Variants in LPP observed in about 807,000 individuals in gnomAD.
LPP encodes the protein lipoma-preferred partner.
In LPP, 38 loss-of-function variants were observed where a neutral mutation model predicts 60.4. The ratio of observed to expected loss-of-function variants is 0.63; its 90% CI spans 0.49 to 0.83. The LOEUF is 0.83. Ranked by LOEUF, LPP falls within the 40% of genes least tolerant of loss-of-function variation. The probability of loss-of-function intolerance (pLI) is 0.00; values close to 1 mark genes in which losing one functional copy is unlikely to be tolerated. For synonymous variants in LPP, 328 were observed against 290.8 expected, an observed-to-expected ratio of 1.13 and a Z score of -1.30; for missense variants, 902 against 783.6, an observed-to-expected ratio of 1.15 and a Z score of -1.80.
At chr3:188,673,226 GT>G (rs886872852) in intron 7 of LPP, among the ~76,000 whole-genome samples, 101 of 151,872 alleles carry the variant, frequency 6.7e-4, no homozygotes, top group African/African-American at 2.4e-3. Flanking sequence ...GAGAAGTACC[GT>G]TTTTTTGTTT....
intron 9 of LPP, among the ~76,000 whole-genome samples, chr3:188,826,398 C>G (rs1391201218): frequency 1.3e-5 from 2 of 152,116 alleles, no homozygotes; most frequent in East Asian, 3.9e-4. Flanking sequence ...CTGGAAAGTT[C>G]TATTATTAGT....
At chr3:188,191,675 G>A (rs1392764736) in intron 1 of LPP, among the ~76,000 whole-genome samples, 2 of 152,232 alleles carry the variant, frequency 1.3e-5, no homozygotes, top group Admixed American at 1.3e-4. Flanking sequence ...CCAGGTGGTG[G>A]CTGAGGAGGG....
intron 7 of LPP, among the ~76,000 whole-genome samples, chr3:188,675,635 T>C (rs988322446): frequency 3.9e-5 from 6 of 152,352 alleles, no homozygotes; most frequent in African/African-American, 1.4e-4. Context: ...AGACAAGTCA[T>C]GTAACCGTTC....
At chr3:188,480,787 T>G (rs529573744) in intron 4 of LPP, among the ~76,000 whole-genome samples, 13 of 152,278 alleles carry the variant, frequency 8.5e-5, no homozygotes, top group African/African-American at 3.1e-4. Context: ...GGACAGGGCA[T>G]GCACTAATAT....
At chr3:188,829,383 G>A (rs112430872) in intron 9 of LPP, among the ~76,000 whole-genome samples, 40 of 152,192 alleles carry the variant, frequency 2.6e-4, no homozygotes, top group African/African-American at 9.4e-4. Context: ...CCATAGCCTC[G>A]TTCCACTTAC....
At chr3:188,864,757 G>T (rs9881635) in intron 9 of LPP, among the ~76,000 whole-genome samples, 2 of 152,068 alleles carry the variant, frequency 1.3e-5, no homozygotes, top group Admixed American at 6.5e-5. Flanking sequence ...ACCATAAAGG[G>T]GGGTTGGATA....
intron 9 of LPP, among the ~76,000 whole-genome samples, chr3:188,811,903 A>G (rs1019552846): frequency 6.6e-6 from 1 of 152,168 alleles, no homozygotes; most frequent in Non-Finnish European, 1.5e-5. Context: ...ATGTTTTGAT[A>G]TAGACATGCA....
At chr3:188,754,001 A>G (rs1729235141) in intron 8 of LPP, among the ~76,000 whole-genome samples, 1 of 152,346 alleles carries the variant, frequency 6.6e-6, no homozygotes, top group Non-Finnish European at 1.5e-5. Flanking sequence ...CAATAACCAT[A>G]GGAGATTGCA....
chr3:188,370,838 A>T lies in LPP; in HGVS notation c.-10+29119A>T, dbSNP rs114240197. 3.5e-3 allele frequency among the ~76,000 whole-genome samples: 538 copies of T among 152,092 alleles called. 9 individuals carry two copies. The highest frequency in any genetic ancestry group is 0.013 in the African/African-American group (525 of 41,478). On this transcript the variant is annotated intron_variant, in intron 3 of 11. Coordinates refer to ENST00000617246, the MANE Select transcript of LPP (RefSeq NM_001375462.1). Reference sequence around the variant, plus strand: ...CTTTCACTTTCTACATGGCATATGGACCCTGATTTTTCTCACGCCTGCGTA... The same window carrying T: ...CTTTCACTTTCTACATGGCATATGGTCCCTGATTTTTCTCACGCCTGCGTA...
chr3:188,468,203 C>A (rs923294980), intron 4 of LPP, among the ~76,000 whole-genome samples: 5 of 152,078 alleles, frequency 3.3e-5, no homozygotes, highest in African/African-American at 1.2e-4. Context: ...ATTTTATTTC[C>A]TGTCTGTTTA....
At chr3:188,250,814 C>CTT (rs1237400844) in intron 2 of LPP, among the ~76,000 whole-genome samples, 1 of 144,092 alleles carries the variant, frequency 6.9e-6, no homozygotes, top group Non-Finnish European at 1.5e-5. Context: ...CTTTCTCTTT[C>CTT]TTTCTTTCTT....
chr3:188,518,323 T>A (rs557505532), intron 5 of LPP, among the ~76,000 whole-genome samples: 15 of 152,158 alleles, frequency 9.9e-5, no homozygotes, highest in Admixed American at 2.6e-4. Context: ...GAAATTCCTG[T>A]TGTATTATTA....
At chr3:188,193,293 T>C (rs1191973962) in intron 1 of LPP, among the ~76,000 whole-genome samples, 3 of 152,184 alleles carry the variant, frequency 2.0e-5, no homozygotes, top group African/African-American at 7.2e-5. Flanking sequence ...AGAGGCAGCA[T>C]AGCATGGCGA....
At chr3:188,308,598 G>A (rs75938488) in intron 2 of LPP, among the ~76,000 whole-genome samples, 2,547 of 152,290 alleles carry the variant, frequency 0.017, 74 homozygotes, top group African/African-American at 0.059. Flanking sequence ...GTGCCATCAA[G>A]TATGCGCTGG....
chr3:188,205,277 C>CTTTT (rs34713244), intron 1 of LPP, among the ~76,000 whole-genome samples: 22 of 103,396 alleles, frequency 2.1e-4, no homozygotes, highest in Middle Eastern at 6.5e-3. Flanking sequence ...AGATTATAAT[C>CTTTT]TTTTTTTTTT....
At chr3:188,725,178 C>G (rs1467113667) in intron 8 of LPP, 1 of 152,136 alleles carries the variant, frequency 6.6e-6, no homozygotes, top group Non-Finnish European at 1.5e-5. Context: ...TTTCGTTGTG[C>G]CTCTAGAGCA....
rs1380571464 is a variant in LPP, at chr3:188,886,248, A to G, written c.*11769A>G. 5 of 154,766 alleles carry G rather than the reference A, an allele frequency of 3.2e-5. No individual in the cohort carries two copies. Among genetic ancestry groups the G allele is most frequent in the Admixed American group, 2.6e-4 (4 of 15,220 alleles). 9.6% of individuals were successfully genotyped at this position (154,766 alleles called of 1,614,324 possible). A position where few individuals can be genotyped will look rare whatever the true frequency, so the allele number is the denominator to read the frequency against. On this transcript the variant is annotated 3_prime_UTR_variant, in exon 12 of 12. Coordinates refer to ENST00000617246, the MANE Select transcript of LPP (RefSeq NM_001375462.1). ...GCACACCAGCATGGCACATGTATAC[A>G]TATGTAACTAACCTGCACATTGTGC...
chr3:188,536,481 A>G (rs1397922642), intron 6 of LPP, among the ~76,000 whole-genome samples: 2 of 152,326 alleles, frequency 1.3e-5, no homozygotes, highest in South Asian at 2.1e-4. Context: ...AAACCAATTA[A>G]TTGTCTAAAT....
At chr3:188,542,080 C>T (rs886427710) in intron 6 of LPP, among the ~76,000 whole-genome samples, 1 of 152,136 alleles carries the variant, frequency 6.6e-6, no homozygotes, top group Non-Finnish European at 1.5e-5. Context: ...TTATAATACA[C>T]TTGCATCTGC....
Sources: gnomAD v4.1 joint callset for allele counts (sites outside exome capture counted in the v4.1 genomes callset) on GRCh38, gnomAD v4.1.1 for gene constraint, MANE v1.5 for transcripts, NCBI Gene and HGNC (gene_info 2026-07-23, HGNC 2026-07-21) for gene names.